SAFB: variants seen among roughly 807,000 people sequenced by gnomAD.
The protein encoded by SAFB is scaffold attachment factor B1.
Under a neutral mutation model 101.6 loss-of-function variants are expected in SAFB, and 15 were observed. The ratio of observed to expected loss-of-function variants is 0.15; its 90% CI spans 0.10 to 0.23. SAFB has a LOEUF of 0.23. Among genes scored for constraint, SAFB ranks in the 10% least tolerant of loss-of-function variants. The pLI is 1.00. For missense variants in SAFB, 930 were observed against 1,104.1 expected, an observed-to-expected ratio of 0.84 and a Z score of 2.23; for synonymous variants, 449 against 407.5, an observed-to-expected ratio of 1.10 and a Z score of -1.23.
intron 9 of SAFB, among the ~76,000 whole-genome samples, chr19:5,651,778 G>C (rs2053944149): frequency 6.6e-6 from 1 of 152,196 alleles, no homozygotes; most frequent in Non-Finnish European, 1.5e-5. Flanking sequence ...GTCTCTCTCA[G>C]AGTCGGTTTC....
intron 13 of SAFB, among the ~76,000 whole-genome samples, chr19:5,655,403 T>A (rs2054033854): frequency 6.9e-6 from 1 of 144,060 alleles, no homozygotes. Flanking sequence ...AAGACTGTAG[T>A]GAGCCACGTT....
chr19:5,656,591 T>G (rs1277710685), intron 13 of SAFB, among the ~76,000 whole-genome samples: 1 of 149,724 alleles, frequency 6.7e-6, no homozygotes, highest in Non-Finnish European at 1.5e-5. Context: ...TTTTTTTTTT[T>G]TTTTTGTCAG....
rs1403590780 is a variant in SAFB, at chr19:5,664,250, C to G, written c.2291+91C>G. ...GACTCCTGGGCTCTCTGAACCCACT[C>G]CGTTCATCAGATGTATGCTGAGTCA... is the stretch of plus-strand genomic sequence containing the variant. On this transcript the variant is annotated intron_variant, in intron 16 of 20. Coordinates refer to ENST00000588852, the MANE Select transcript of SAFB (RefSeq NM_001201338.2). 4 of 1,474,210 alleles carry G rather than the reference C, an allele frequency of 2.7e-6. No individual in the cohort carries two copies. The African/African-American group carries it at 5.6e-5, about 21-fold the overall frequency. The allele number at this position is 1,474,210 out of a possible 1,614,324, so 91.3% of individuals were successfully genotyped here.
At position 5,626,487 on chromosome 19, in the gene SAFB, A is replaced by G. The variant is rs756971689; in HGVS notation, c.272A>G (p.Lys91Arg). The G allele has an allele frequency of 3.8e-6, 6 of 1,582,864 alleles. No individual in the cohort carries two copies. The highest frequency in any genetic ancestry group is 1.3e-5 in the African/African-American group (1 of 74,294). Reference protein sequence around the residue: ...GNKKTSKRSSKGRKPEEEGVE... With the variant: ...GNKKTSKRSSRGRKPEEEGVE... ...AAGAAAACATCAAAGAGGTCTAGCA[A>G]AGGTATGGAGGATTTCATAAGCAAG... Residue 91 changes from lysine (K) to arginine (R), a missense_variant and splice_region_variant, in exon 2 of 21, where the codon AAA becomes AGA. Coordinates refer to ENST00000588852, the MANE Select transcript of SAFB (RefSeq NM_001201338.2).
Position 5,643,068 on chromosome 19 carries a change from A to G in SAFB, c.546+1122A>G, listed in dbSNP as rs544234306. On this transcript the variant is annotated intron_variant, in intron 4 of 20. Transcript: ENST00000588852. ...GAACTAAAAAACATCTCCAGATGAC[A>G]CACAGCTCATAACAGAATAAGAACT... 4.6e-5 allele frequency among the ~76,000 whole-genome samples: 7 copies of G among 152,316 alleles called. No homozygotes were observed. In the South Asian group the frequency reaches 1.5e-3, roughly 32 times the overall value.
chr19:5,641,769 G>T lies in SAFB; in HGVS notation c.369G>T (p.Leu123Phe). 6.2e-7 allele frequency: 1 copy of T among 1,614,130 alleles called. No homozygotes were observed. Among genetic ancestry groups the T allele is most frequent in the Non-Finnish European group, 8.5e-7 (1 of 1,180,028 alleles). The change falls in exon 4 of 21, where the codon TTG becomes TTT. Residue 123 changes from leucine (L) to phenylalanine (F), a missense_variant. Around this residue, in one of 7 missense-constraint regions of SAFB, gnomAD observed 119 missense variants for 171.4 expected, o/e 0.69. Transcript: ENST00000588852. ...ATGTTGAGACCAGTCTGGAGAACTTGCAGGACATCGACATCATGGATATCA... is the reference window on the plus strand; with the variant it reads ...ATGTTGAGACCAGTCTGGAGAACTTTCAGGACATCGACATCATGGATATCA... ...QEDVETSLEN[L>F]QDIDIMDISV...
At chr19:5,650,413 G>A (rs568901477) in intron 8 of SAFB, among the ~76,000 whole-genome samples, 7 of 152,126 alleles carry the variant, frequency 4.6e-5, no homozygotes, top group Admixed American at 1.3e-4. Context: ...GTAATTAAGC[G>A]ATCGCTAACT....
intron 1 of SAFB, among the ~76,000 whole-genome samples, chr19:5,624,738 TA>T (rs1417350263): frequency 6.6e-6 from 1 of 150,392 alleles, no homozygotes; most frequent in African/African-American, 2.5e-5. Context: ...CAAGGGTGGA[TA>T]GTTGTCTCGG....
At chr19:5,640,358 CTTTTTTTTTTT>C (rs34358887) in intron 2 of SAFB, among the ~76,000 whole-genome samples, 6 of 91,552 alleles carry the variant, frequency 6.6e-5, no homozygotes, top group Non-Finnish European at 1.0e-4. Flanking sequence ...GAAAGATTGG[CTTTTTTTTTTT>C]TTTTTTTTTT....
intron 7 of SAFB, 133 bp from the exon 8 acceptor site, chr19:5,649,793 C>A: frequency 1.2e-6 from 1 of 867,950 alleles, no homozygotes; most frequent in Non-Finnish European, 1.8e-6. Flanking sequence ...ATTTTCAATA[C>A]AAGTTTGTCG....
intron 20 of SAFB, 137 bp downstream of exon 20, chr19:5,668,023 G>A: frequency 7.0e-7 from 1 of 1,424,008 alleles, no homozygotes; most frequent in Non-Finnish European, 9.5e-7. Context: ...GGGGTACTGT[G>A]GAGGCTGCTG....
chr19:5,663,521 G>A (rs2054262007), intron 15 of SAFB, among the ~76,000 whole-genome samples: 1 of 152,100 alleles, frequency 6.6e-6, no homozygotes. Flanking sequence ...TTCTATAAAG[G>A]GCCTTGTAAA....
chr19:5,637,083 G>A (rs546221482), intron 2 of SAFB, among the ~76,000 whole-genome samples: 86 of 150,656 alleles, frequency 5.7e-4, no homozygotes, highest in African/African-American at 1.9e-3. Context: ...GGTGGCTCAC[G>A]CCTGTAATCC....
intron 2 of SAFB, among the ~76,000 whole-genome samples, chr19:5,627,680 T>C (rs2053397317): frequency 1.3e-5 from 2 of 152,148 alleles, no homozygotes; most frequent in Admixed American, 1.3e-4. Context: ...TGATTTACTC[T>C]CCTGGTTCTC....
chr19:5,626,988 G>A lies in SAFB; in HGVS notation c.274+499G>A, dbSNP rs972367567. Among the ~76,000 whole-genome samples the A allele has an allele frequency of 1.8e-4, 28 of 152,210 alleles. 1 individual carries two copies. Among genetic ancestry groups the A allele is most frequent in the African/African-American group, 6.5e-4 (27 of 41,522 alleles). Reference sequence around the variant, plus strand: ...GACCCCAGGAGGTTGAGATCAGCTTGGGCAACATAGGGAGACCCCCATCCC... The same window carrying A: ...GACCCCAGGAGGTTGAGATCAGCTTAGGCAACATAGGGAGACCCCCATCCC... On this transcript the variant is annotated intron_variant, in intron 2 of 20. Transcript: ENST00000588852.
rs753145666 is a variant in SAFB, at chr19:5,668,174, T to C, written c.2637T>C (p.Phe879=). The change falls in exon 21 of 21, where the codon TTT becomes TTC. Residue 879 remains phenylalanine, a synonymous_variant. Transcript: ENST00000588852. The part of the protein sequence containing the change: ...NRGGMSGRGS[F]APGGASRGHP... ...AATTTGTTCCTAGGCGCGGCAGCTT[T>C]GCCCCAGGCGGGGCCTCCCGGGGCC... The C allele has an allele frequency of 1.0e-5, 16 of 1,606,424 alleles. No homozygotes were observed. The highest frequency in any genetic ancestry group is 1.2e-5 in the Non-Finnish European group (14 of 1,177,542).
At chr19:5,666,709 C>G (rs184511202) in intron 17 of SAFB, 1 of 368,930 alleles carries the variant, frequency 2.7e-6, no homozygotes, top group East Asian at 6.1e-5. Context: ...TGGGAACTAA[C>G]CATTTGAGCT....
rs371261963 is a variant in SAFB, at chr19:5,661,779, C to G, written c.2124C>G (p.Pro708=). ...TGCGCTATGAGCAGGAGCGGCGGCC[C>G]GCGGTGCGGCGGCCCTACGACCTGG... ...QELRYEQERR[P]AVRRPYDLDR... Residue 708 remains proline (P), a synonymous_variant, in exon 15 of 21, where the codon CCC becomes CCG. Transcript: ENST00000588852. The G allele has an allele frequency of 6.4e-7, 1 of 1,561,990 alleles. No homozygotes were observed. Among genetic ancestry groups the G allele is most frequent in the Non-Finnish European group, 8.7e-7 (1 of 1,155,348 alleles).
chr19:5,657,589 T>A (rs1005134891), intron 14 of SAFB, among the ~76,000 whole-genome samples: 2 of 152,202 alleles, frequency 1.3e-5, no homozygotes, highest in African/African-American at 4.8e-5. Flanking sequence ...GAGAGTGCAG[T>A]GGCGTGACCT....
Sources: gnomAD v4.1 joint callset for allele counts (sites outside exome capture counted in the v4.1 genomes callset) on GRCh38, gnomAD v4.1.1 for gene constraint, gnomAD v4.1.1 regional missense constraint, MANE v1.5 for transcripts, NCBI Gene and HGNC (gene_info 2026-07-23, HGNC 2026-07-21) for gene names.